Variants in ALCAM observed in about 807,000 individuals in gnomAD.
ALCAM encodes the protein activated leukocyte cell adhesion molecule, also known as CD166 antigen.
Under a neutral mutation model 70.9 loss-of-function variants are expected in ALCAM, and 30 were observed. The observed-to-expected ratio is 0.42, with a 90% CI of 0.32 to 0.57. The LOEUF is 0.57. Among genes scored for constraint, ALCAM ranks in the 20% least tolerant of loss-of-function variants. ALCAM has a pLI of 0.11. For synonymous variants in ALCAM, 249 were observed against 242.5 expected (o/e 1.03, Z -0.25); for missense variants, 591 against 695.1 (o/e 0.85, Z 1.68).
At chr3:105,385,181 G>A (rs1235011940) in intron 1 of ALCAM, among the ~76,000 whole-genome samples, 1 of 151,546 alleles carries the variant, frequency 6.6e-6, no homozygotes, top group Admixed American at 6.6e-5. Flanking sequence ...ATTTTCCATG[G>A]AAATAGAATC....
chr3:105,376,570 T>C (rs1210228125), intron 1 of ALCAM, among the ~76,000 whole-genome samples: 4 of 152,210 alleles, frequency 2.6e-5, no homozygotes, highest in Admixed American at 6.5e-5. Flanking sequence ...TACTATACAT[T>C]CAAGATCCTA....
chr3:105,462,989 T>C (rs1478451274), intron 1 of ALCAM, among the ~76,000 whole-genome samples: 1 of 151,472 alleles, frequency 6.6e-6, no homozygotes, highest in Non-Finnish European at 1.5e-5. Context: ...AAAAATAAAG[T>C]GTCAGCATGA....
At chr3:105,515,741 T>C (rs1019335578) in intron 1 of ALCAM, among the ~76,000 whole-genome samples, 3 of 152,074 alleles carry the variant, frequency 2.0e-5, no homozygotes, top group Admixed American at 2.0e-4. Context: ...AACACCGCTA[T>C]AAACTAGTGT....
chr3:105,503,837 C>G (rs1938991089), intron 1 of ALCAM, among the ~76,000 whole-genome samples: 1 of 152,184 alleles, frequency 6.6e-6, no homozygotes, highest in South Asian at 2.1e-4. Flanking sequence ...CTTTCTCTTG[C>G]AAGGAGTTTC....
chr3:105,425,306 T>A (rs1185704748), intron 1 of ALCAM, among the ~76,000 whole-genome samples: 3 of 151,788 alleles, frequency 2.0e-5, no homozygotes, highest in African/African-American at 7.3e-5. Flanking sequence ...GCTCTGTGTG[T>A]GCGCCTGTGT....
chr3:105,396,598 A>G (rs1446844047), intron 1 of ALCAM, among the ~76,000 whole-genome samples: 1 of 152,052 alleles, frequency 6.6e-6, no homozygotes, highest in African/African-American at 2.4e-5. Flanking sequence ...TAGTAGATTT[A>G]ATGAAGTTTT....
chr3:105,395,474 A>AT (rs1194417995), intron 1 of ALCAM, among the ~76,000 whole-genome samples: 1 of 151,906 alleles, frequency 6.6e-6, no homozygotes, highest in African/African-American at 2.4e-5. Context: ...CATGTGACAT[A>AT]TTTTTTCTAT....
intron 1 of ALCAM, among the ~76,000 whole-genome samples, chr3:105,421,429 T>C (rs1262309811): frequency 6.6e-6 from 1 of 151,562 alleles, no homozygotes; most frequent in Non-Finnish European, 1.5e-5. Context: ...CAATTCATAA[T>C]AAACATTTAT....
intron 1 of ALCAM, among the ~76,000 whole-genome samples, chr3:105,428,107 C>T (rs536098211): frequency 6.6e-6 from 1 of 151,914 alleles, no homozygotes; most frequent in African/African-American, 2.4e-5. Context: ...CTGGGAGTTG[C>T]TATGTGTTGT....
intron 1 of ALCAM, among the ~76,000 whole-genome samples, chr3:105,440,346 C>A (rs536352502): frequency 6.6e-6 from 1 of 152,158 alleles, no homozygotes; most frequent in South Asian, 2.1e-4. Flanking sequence ...TGTCAATAAG[C>A]AAAATATTCA....
At chr3:105,490,700 T>C (rs937547371) in intron 1 of ALCAM, among the ~76,000 whole-genome samples, 2 of 152,150 alleles carry the variant, frequency 1.3e-5, no homozygotes, top group African/African-American at 2.4e-5. Context: ...TCCAAAATTA[T>C]CTCCTTTGAC....
chr3:105,431,996 G>A (rs563349823), intron 1 of ALCAM, among the ~76,000 whole-genome samples: 2 of 152,114 alleles, frequency 1.3e-5, no homozygotes, highest in African/African-American at 4.8e-5. Context: ...AACTTGAGCT[G>A]TAATAATGAA....
intron 14 of ALCAM, among the ~76,000 whole-genome samples, chr3:105,562,029 T>C (rs908409406): frequency 6.6e-6 from 1 of 152,228 alleles, no homozygotes; most frequent in African/African-American, 2.4e-5. Context: ...CAGGTCAGGC[T>C]GATATCACAT....
At chr3:105,554,890 C>T (rs370681600) in intron 14 of ALCAM, among the ~76,000 whole-genome samples, 240 of 151,886 alleles carry the variant, frequency 1.6e-3, no homozygotes, top group African/African-American at 5.5e-3. Context: ...AGTAATTTTA[C>T]TTCTTAAAAC....
intron 1 of ALCAM, among the ~76,000 whole-genome samples, chr3:105,408,618 ACCTCTC>A (rs1465007412): frequency 8.5e-5 from 13 of 152,140 alleles, no homozygotes; most frequent in Admixed American, 1.3e-4. Context: ...CATAAGAAAA[ACCTCTC>A]TAGACATTGA....
chr3:105,431,585 A>T (rs1010555163), intron 1 of ALCAM, among the ~76,000 whole-genome samples: 1 of 152,100 alleles, frequency 6.6e-6, no homozygotes, highest in African/African-American at 2.4e-5. Context: ...GGGGAAATAG[A>T]CTGTAACTCC....
At chr3:105,433,253 T>A (rs1388292656) in intron 1 of ALCAM, among the ~76,000 whole-genome samples, 1 of 152,088 alleles carries the variant, frequency 6.6e-6, no homozygotes, top group Non-Finnish European at 1.5e-5. Context: ...CAGGCCTAAT[T>A]GATAAATGGA....
At chr3:105,373,844 C>T (rs1302694604) in intron 1 of ALCAM, among the ~76,000 whole-genome samples, 1 of 152,122 alleles carries the variant, frequency 6.6e-6, no homozygotes, top group African/African-American at 2.4e-5. Flanking sequence ...CTCCATATGG[C>T]AGCACCTGAC....
At chr3:105,521,702 A>T (rs1994317) in intron 2 of ALCAM, among the ~76,000 whole-genome samples, 103,159 of 152,026 alleles carry the variant, frequency 0.68, 35,385 homozygotes, top group East Asian at 0.93. Flanking sequence ...CTTACCTAGT[A>T]CTTGTCGTGT....
Sources: gnomAD v4.1 joint callset for allele counts (sites outside exome capture counted in the v4.1 genomes callset) on GRCh38, gnomAD v4.1.1 for gene constraint, MANE v1.5 for transcripts, NCBI Gene and HGNC (gene_info 2026-07-23, HGNC 2026-07-21) for gene names.